TRMT11: variants seen among roughly 807,000 people sequenced by gnomAD.
TRMT11 encodes the protein tRNA methyltransferase 11, also known as tRNA (guanine(10)-N(2))-methyltransferase TRMT11.
A neutral mutation model predicts 62.8 loss-of-function variants in TRMT11; 53 were observed. The ratio of observed to expected loss-of-function variants is 0.84; its 90% CI spans 0.68 to 1.06. TRMT11 has a LOEUF of 1.06. TRMT11 is among the 50% of genes least tolerant of loss of function. The pLI is 0.00. For synonymous variants in TRMT11, 188 were observed against 190.3 expected, an observed-to-expected ratio of 0.99 and a Z score of 0.10; for missense variants, 556 against 553.4, an observed-to-expected ratio of 1.00 and a Z score of -0.05.
chr6:126,073,425 T>C lies in TRMT11; in HGVS notation c.*1437+20235T>C, dbSNP rs373774165. On this transcript the variant is annotated intron_variant and NMD_transcript_variant, in intron 17 of 22. Transcript: ENST00000648977. The stretch of plus-strand genomic sequence containing the variant: ...CGCCAAATACATATTGATAATTCCA[T>C]TTTTAATTTTTAAGTGTCAGGGAAA... Among the ~76,000 whole-genome samples the C allele has an allele frequency of 5.3e-5, 8 of 152,324 alleles. No homozygotes were observed. In the East Asian group the frequency reaches 9.7e-4, roughly 18 times the overall value.
At chr6:126,240,780 T>C in the TRMT11 span, among the ~76,000 whole-genome samples, 31 of 152,362 alleles carry the variant, frequency 2.0e-4, no homozygotes, top group South Asian at 8.3e-4. Flanking sequence ...CTGCTGCCTT[T>C]TGTTTGGCTA....
intron 21 of TRMT11, among the ~76,000 whole-genome samples, chr6:126,122,360 A>G (rs1011310632): frequency 6.6e-6 from 1 of 152,006 alleles, no homozygotes; most frequent in Non-Finnish European, 1.5e-5. Flanking sequence ...TTGCCCTCCT[A>G]TCTCTCAGTC....
chr6:126,206,562 C>T (rs907755323), downstream of TRMT11, among the ~76,000 whole-genome samples: 1 of 152,174 alleles, frequency 6.6e-6, no homozygotes, highest in African/African-American at 2.4e-5. Flanking sequence ...ACATTTAATA[C>T]AAAAACACTT....
the TRMT11 span, among the ~76,000 whole-genome samples, chr6:126,261,636 T>C: frequency 3.3e-5 from 5 of 152,222 alleles, no homozygotes; most frequent in Non-Finnish European, 7.3e-5. Flanking sequence ...TGAGGTACGG[T>C]GCATTGACTT....
chr6:126,001,856 T>C (rs931288531), intron 7 of TRMT11, among the ~76,000 whole-genome samples: 3 of 152,112 alleles, frequency 2.0e-5, no homozygotes, highest in African/African-American at 7.2e-5. Flanking sequence ...CCCTTTCCTC[T>C]CTTCCATGTA....
At chr6:126,011,499 C>T in intron 9 of TRMT11, 82 bp downstream of exon 9, 1 of 1,231,670 alleles carries the variant, frequency 8.1e-7, no homozygotes, top group South Asian at 1.4e-5. Context: ...TTTACCAACA[C>T]ATGCACAAAA....
chr6:126,094,761 G>T (rs1014568245), intron 17 of TRMT11, among the ~76,000 whole-genome samples: 1 of 152,120 alleles, frequency 6.6e-6, no homozygotes, highest in Non-Finnish European at 1.5e-5. Flanking sequence ...GACAAACACT[G>T]CAGGTCATAT....
At chr6:126,046,454 TGCATACTG>T (rs1204099902) in intron 16 of TRMT11, among the ~76,000 whole-genome samples, 1 of 152,192 alleles carries the variant, frequency 6.6e-6, no homozygotes, top group African/African-American at 2.4e-5. Flanking sequence ...TGTAAAGCCT[TGCATACTG>T]GCATGGAGCC....
At chr6:126,196,058 A>C (rs1414161844) in intron 1 of TRMT11, among the ~76,000 whole-genome samples, 1 of 152,168 alleles carries the variant, frequency 6.6e-6, no homozygotes, top group African/African-American at 2.4e-5. Context: ...CCAACCTTAG[A>C]ACTGTTTATC....
At chr6:126,249,954 G>A in the TRMT11 span, among the ~76,000 whole-genome samples, 1 of 152,116 alleles carries the variant, frequency 6.6e-6, no homozygotes, top group East Asian at 1.9e-4. Context: ...GATGCACACA[G>A]AAAAATGTCA....
chr6:126,203,357 C>A (rs1194080207), downstream of TRMT11, among the ~76,000 whole-genome samples: 1 of 151,944 alleles, frequency 6.6e-6, no homozygotes, highest in African/African-American at 2.4e-5. Context: ...GATTTTTTTC[C>A]AACCACTTAA....
At chr6:126,060,382 A>G (rs1050128826) in intron 17 of TRMT11, among the ~76,000 whole-genome samples, 2 of 152,168 alleles carry the variant, frequency 1.3e-5, no homozygotes, top group African/African-American at 4.8e-5. Context: ...TTTAAATTTT[A>G]TCTTATCACG....
At chr6:126,223,243 A>G in the TRMT11 span, among the ~76,000 whole-genome samples, 1 of 152,076 alleles carries the variant, frequency 6.6e-6, no homozygotes, top group Non-Finnish European at 1.5e-5. Flanking sequence ...AACACGGTGA[A>G]ACCTCATCTC....
At chr6:126,152,373 A>C (rs764305319) in intron 21 of TRMT11, among the ~76,000 whole-genome samples, 11 of 152,186 alleles carry the variant, frequency 7.2e-5, no homozygotes, top group Non-Finnish European at 1.0e-4. Context: ...ACACAAAAAT[A>C]ACTTCAGTCT....
intron 17 of TRMT11, among the ~76,000 whole-genome samples, chr6:126,075,275 C>G (rs1428948291): frequency 6.6e-6 from 1 of 152,046 alleles, no homozygotes; most frequent in Non-Finnish European, 1.5e-5. Context: ...TATTTAACTG[C>G]TAGTTCTTAT....
At chr6:126,142,720 A>T (rs1230858304) in intron 21 of TRMT11, among the ~76,000 whole-genome samples, 2 of 152,062 alleles carry the variant, frequency 1.3e-5, no homozygotes, top group Non-Finnish European at 2.9e-5. Flanking sequence ...CACCTAAAAG[A>T]ACTTTAATGT....
At position 125,986,569 on chromosome 6, in the gene TRMT11, C is replaced by G; in HGVS notation, c.19C>G (p.Leu7Val). Residue 7 changes from leucine (L) to valine (V), a missense_variant, in exon 1 of 13, where the codon CTT (leucine) becomes GTT (valine). By Grantham distance (32) the Leu-to-Val change is conservative. Coordinates refer to ENST00000334379, the MANE Select transcript of TRMT11 (RefSeq NM_001031712.3). MALSCT[L>V]NRYLLLMAQE... ...AGCTGCAATGGCGCTGTCGTGTACC[C>G]TTAACAGGTATCTGCTCCTCATGGC... 6.3e-7 allele frequency: 1 copy of G among 1,592,202 alleles called. No individual in the cohort carries two copies. Among genetic ancestry groups the G allele is most frequent in the South Asian group, 1.1e-5 (1 of 87,390 alleles).
At chr6:126,170,565 T>A (rs574339293) in intron 21 of TRMT11, among the ~76,000 whole-genome samples, 118 of 152,166 alleles carry the variant, frequency 7.8e-4, no homozygotes, top group Middle Eastern at 3.4e-3. Context: ...CATTTTTTTT[T>A]ATCTAGTAAA....
At chr6:126,152,391 G>A (rs1468786380) in intron 21 of TRMT11, among the ~76,000 whole-genome samples, 1 of 152,140 alleles carries the variant, frequency 6.6e-6, no homozygotes, top group Non-Finnish European at 1.5e-5. Context: ...TCTCTAAGTG[G>A]GTAGAGAATT....
Sources: gnomAD v4.1 joint callset for allele counts (sites outside exome capture counted in the v4.1 genomes callset) on GRCh38, gnomAD v4.1.1 for gene constraint, MANE v1.5 for transcripts, NCBI Gene and HGNC (gene_info 2026-07-23, HGNC 2026-07-21) for gene names.